Variants in RB1 observed in about 807,000 individuals in gnomAD.
The protein encoded by RB1 is retinoblastoma-associated protein.
Under a neutral mutation model 135.4 loss-of-function variants are expected in RB1, and 18 were observed. The observed-to-expected ratio is 0.13, with a 90% CI of 0.09 to 0.20. The LOEUF (loss-of-function observed/expected upper bound fraction) is 0.20, where lower values mean the gene tolerates loss of function less well. Ranked by LOEUF, RB1 falls within the 10% of genes least tolerant of loss-of-function variation. RB1 has a pLI of 1.00. For synonymous variants in RB1, 365 were observed against 373.2 expected, an observed-to-expected ratio of 0.98 and a Z score of 0.25; for missense variants, 868 against 1,110.0, an observed-to-expected ratio of 0.78 and a Z score of 3.10.
intron 2 of RB1, chr13:48,328,402 C>G: frequency 1.4e-6 from 2 of 1,478,804 alleles, no homozygotes; most frequent in East Asian, 2.3e-5. Flanking sequence ...ATGGCAAATC[C>G]AAAGTTGGAG....
rs188840762 is a variant in RB1 at position 48,476,873 on chromosome 13, A to G, written c.2663+30A>G. 8 of 1,611,046 alleles carry G rather than the reference A, an allele frequency of 5.0e-6. No homozygotes were observed. In the African/African-American group the frequency reaches 8.0e-5, roughly 16 times the overall value. On this transcript the variant is annotated intron_variant, in intron 25 of 26. Coordinates refer to ENST00000267163, the MANE Select transcript of RB1 (RefSeq NM_000321.3). ...GAACCAGTTTTGAATGTTTTCCAGTAGCCGAGATGGTCATCTGGGGAATCC... is the reference window on the plus strand; with the variant it reads ...GAACCAGTTTTGAATGTTTTCCAGTGGCCGAGATGGTCATCTGGGGAATCC...
At chr13:48,433,465 CT>C (rs1949150733) in intron 17 of RB1, among the ~76,000 whole-genome samples, 5 of 152,020 alleles carry the variant, frequency 3.3e-5, no homozygotes, top group Admixed American at 3.3e-4. Context: ...TTTTCAGGGA[CT>C]CCCTCAGAGT....
intron 2 of RB1, among the ~76,000 whole-genome samples, chr13:48,330,475 G>A (rs907072360): frequency 6.6e-6 from 1 of 151,946 alleles, no homozygotes; most frequent in Non-Finnish European, 1.5e-5. Flanking sequence ...AATGAAAGAG[G>A]AGACATTATG....
chr13:48,329,600 C>T (rs1387600100), intron 2 of RB1, among the ~76,000 whole-genome samples: 10 of 152,144 alleles, frequency 6.6e-5, no homozygotes, highest in Admixed American at 4.6e-4. Flanking sequence ...TCCCAGACCA[C>T]GAGACTTAAT....
chr13:48,360,880 A>G (rs1034663686), intron 7 of RB1: 2 of 152,144 alleles, frequency 1.3e-5, no homozygotes, highest in African/African-American at 4.8e-5. Flanking sequence ...AAATGATGAA[A>G]GTATTAATGC....
intron 6 of RB1, among the ~76,000 whole-genome samples, chr13:48,358,050 A>G (rs537330792): frequency 6.6e-6 from 1 of 152,148 alleles, no homozygotes; most frequent in Non-Finnish European, 1.5e-5. Context: ...GGCTGCACAG[A>G]CAAAATCAAT....
At chr13:48,383,871 A>G (rs1313802097) in intron 17 of RB1, among the ~76,000 whole-genome samples, 1 of 152,136 alleles carries the variant, frequency 6.6e-6, no homozygotes, top group Non-Finnish European at 1.5e-5. Context: ...ATATTCCTGT[A>G]TCATCTGAAA....
intron 2 of RB1, chr13:48,328,467 C>G: frequency 1.1e-6 from 1 of 922,342 alleles, no homozygotes; most frequent in East Asian, 2.4e-5. Flanking sequence ...GATCGCTTCT[C>G]AGCGCTGCGG....
chr13:48,390,302 G>A (rs1019515502), intron 17 of RB1, among the ~76,000 whole-genome samples: 2 of 152,170 alleles, frequency 1.3e-5, no homozygotes, highest in African/African-American at 4.8e-5. Context: ...GAATGAAAGT[G>A]TAGGAGGTTG....
intron 2 of RB1, among the ~76,000 whole-genome samples, chr13:48,340,103 C>A (rs995693336): frequency 1.3e-5 from 2 of 152,042 alleles, no homozygotes; most frequent in African/African-American, 4.8e-5. Flanking sequence ...TATCCAAATG[C>A]AGAAAATGAA....
At chr13:48,329,107 G>C (rs1339428905) in intron 2 of RB1, among the ~76,000 whole-genome samples, 1 of 152,018 alleles carries the variant, frequency 6.6e-6, no homozygotes, top group East Asian at 1.9e-4. Flanking sequence ...AAGTTTATGA[G>C]ACCTAGATAT....
chr13:48,440,356 A>G (rs1295308193), intron 17 of RB1, among the ~76,000 whole-genome samples: 1 of 152,154 alleles, frequency 6.6e-6, no homozygotes, highest in Non-Finnish European at 1.5e-5. Flanking sequence ...GGCAAAGAGG[A>G]GGGAGGCTAG....
At chr13:48,475,009 G>A (rs554778056) in intron 24 of RB1, among the ~76,000 whole-genome samples, 1 of 152,144 alleles carries the variant, frequency 6.6e-6, no homozygotes, top group East Asian at 1.9e-4. Flanking sequence ...AAGTTGCCAG[G>A]ACTACAGGCA....
chr13:48,477,274 C>T (rs949293524), intron 25 of RB1, 81 bp from the exon 26 acceptor site: 17 of 1,001,146 alleles, frequency 1.7e-5, no homozygotes, highest in East Asian at 2.5e-5. Flanking sequence ...AGTAAGTCAT[C>T]GAAAGCATCA....
chr13:48,421,272 G>T (rs186453618), intron 17 of RB1, among the ~76,000 whole-genome samples: 59 of 149,976 alleles, frequency 3.9e-4, no homozygotes, highest in Non-Finnish European at 7.4e-4. Flanking sequence ...TGAGACAAAG[G>T]ATTCCGTTTA....
chr13:48,384,105 A>G (rs1167664712), intron 17 of RB1, among the ~76,000 whole-genome samples: 3 of 152,086 alleles, frequency 2.0e-5, no homozygotes, highest in African/African-American at 7.2e-5. Context: ...ATATTCCTTT[A>G]TTTTTGAGAA....
intron 17 of RB1, among the ~76,000 whole-genome samples, chr13:48,390,333 C>G (rs1454725854): frequency 6.6e-6 from 1 of 152,036 alleles, no homozygotes; most frequent in Non-Finnish European, 1.5e-5. Flanking sequence ...GTTGTTTCAC[C>G]TTAGAATTTC....
At chr13:48,378,842 A>G (rs1288377124) in intron 13 of RB1, among the ~76,000 whole-genome samples, 3 of 152,180 alleles carry the variant, frequency 2.0e-5, no homozygotes, top group African/African-American at 7.2e-5. Context: ...TTATGGGACT[A>G]CTGTTAGATA....
At chr13:48,363,993 T>A (rs1431363260) in intron 8 of RB1, among the ~76,000 whole-genome samples, 1 of 152,168 alleles carries the variant, frequency 6.6e-6, no homozygotes, top group Non-Finnish European at 1.5e-5. Context: ...ATTTCTCTGT[T>A]AACTTTGGGA....
Sources: gnomAD v4.1 joint callset for allele counts (sites outside exome capture counted in the v4.1 genomes callset) on GRCh38, gnomAD v4.1.1 for gene constraint, MANE v1.5 for transcripts, NCBI Gene and HGNC (gene_info 2026-07-23, HGNC 2026-07-21) for gene names.